SMARCC1: variants seen among roughly 807,000 people sequenced by gnomAD.
SMARCC1 encodes SWI/SNF related BAF chromatin remodeling complex subunit C1, also known as SWI/SNF complex subunit SMARCC1.
A neutral mutation model predicts 147.4 loss-of-function variants in SMARCC1; 43 were observed. The observed-to-expected ratio is 0.29, with a 90% CI of 0.23 to 0.38. The LOEUF (loss-of-function observed/expected upper bound fraction) is 0.38. Ranked by LOEUF, SMARCC1 falls within the 10% of genes least tolerant of loss-of-function variation. The pLI, the probability that SMARCC1 is intolerant of heterozygous loss-of-function variation, is 1.00. For missense variants in SMARCC1, 1,119 were observed against 1,381.1 expected, an observed-to-expected ratio of 0.81 and a Z score of 3.01; for synonymous variants, 495 against 484.4, an observed-to-expected ratio of 1.02 and a Z score of -0.29.
chr3:47,728,709 A>G (rs2034331041), intron 6 of SMARCC1, among the ~76,000 whole-genome samples: 1 of 152,132 alleles, frequency 6.6e-6, no homozygotes, highest in African/African-American at 2.4e-5. Flanking sequence ...GATTGAAACC[A>G]CCATCCTGGC....
intron 24 of SMARCC1, among the ~76,000 whole-genome samples, chr3:47,633,261 G>C (rs562403689): frequency 2.0e-5 from 3 of 152,300 alleles, no homozygotes; most frequent in African/African-American, 7.2e-5. Flanking sequence ...ACAGGCAAAA[G>C]ATTAAGGGAT....
At position 47,589,846 on chromosome 3, in the gene SMARCC1, T is replaced by TA. The variant is rs370518182; in HGVS notation, c.3220+814dup. Among the ~76,000 whole-genome samples the TA allele has an allele frequency of 6.6e-4, 101 of 152,376 alleles. 1 individual carries two copies. The highest frequency in any genetic ancestry group is 2.3e-3 in the African/African-American group (97 of 41,588). ...AAAGCTCCTACAGAGCAAGAATTCT[T>TA]ATGCTTCCTATCTCTCTGAACTATA... On this transcript the variant is annotated intron_variant, in intron 27 of 27. Coordinates refer to ENST00000254480, the MANE Select transcript of SMARCC1 (RefSeq NM_003074.4).
In SMARCC1 at chr3:47,708,989, A is replaced by G. The variant is rs896977660; in HGVS notation, c.918+1694T>C. Among the ~76,000 whole-genome samples the G allele has an allele frequency of 7.2e-5, 11 of 152,194 alleles. No individual in the cohort carries two copies. In the East Asian group the frequency reaches 1.7e-3, roughly 24 times the overall value. On this transcript the variant is annotated intron_variant, in intron 9 of 27. Coordinates refer to ENST00000254480, the MANE Select transcript of SMARCC1 (RefSeq NM_003074.4). ...TTTTTCCTAAAAATTGGCAAGGCAT[A>G]GTGGCTCATACCTGTAATCCCAGCA...
In SMARCC1 at chr3:47,694,543, T is replaced by C. The variant is rs191579181; in HGVS notation, c.1166-1243A>G. On this transcript the variant is annotated intron_variant, in intron 11 of 27. Coordinates refer to ENST00000254480, the MANE Select transcript of SMARCC1 (RefSeq NM_003074.4). ...TGAACCCGGGAGGTGGAAGTTGCAA[T>C]GAGCTGAGATCGCACCACTGCATTC... 4.2e-3 allele frequency among the ~76,000 whole-genome samples: 644 copies of C among 152,334 alleles called. 7 individuals are homozygous for C. The highest frequency in any genetic ancestry group is 0.015 in the African/African-American group (622 of 41,576).
intron 21 of SMARCC1, among the ~76,000 whole-genome samples, chr3:47,659,117 C>A (rs951395207): frequency 0.035 from 3,360 of 95,898 alleles, no homozygotes; most frequent in Middle Eastern, 0.053. Flanking sequence ...GACTCTGTCT[C>A]AAAAAAAAAA....
intron 21 of SMARCC1, among the ~76,000 whole-genome samples, chr3:47,644,592 C>T (rs1176838631): frequency 6.6e-6 from 1 of 152,130 alleles, no homozygotes; most frequent in African/African-American, 2.4e-5. Context: ...ACTGCAACCC[C>T]TGTCTCCCAG....
At chr3:47,653,245 CGG>C (rs2033216653) in intron 21 of SMARCC1, among the ~76,000 whole-genome samples, 2 of 152,212 alleles carry the variant, frequency 1.3e-5, no homozygotes, top group African/African-American at 2.4e-5. Flanking sequence ...GCGTGAGCCA[CGG>C]CGCCCGGCCG....
chr3:47,740,501 C>A (rs546863843), intron 3 of SMARCC1, among the ~76,000 whole-genome samples: 10 of 151,172 alleles, frequency 6.6e-5, no homozygotes, highest in Non-Finnish European at 1.5e-4. Flanking sequence ...GGCCCACACC[C>A]GGCTAATTTT....
intron 8 of SMARCC1, among the ~76,000 whole-genome samples, chr3:47,711,717 T>A (rs960254848): frequency 6.6e-6 from 1 of 152,238 alleles, no homozygotes; most frequent in African/African-American, 2.4e-5. Flanking sequence ...ACTGGTTATT[T>A]GGGATATGCC....
intron 11 of SMARCC1, among the ~76,000 whole-genome samples, chr3:47,699,616 G>A (rs541809321): frequency 6.6e-6 from 1 of 151,316 alleles, no homozygotes; most frequent in South Asian, 2.1e-4. Flanking sequence ...TGCTCTATAT[G>A]TCTATACATA....
chr3:47,603,090 C>T (rs899689969), intron 26 of SMARCC1, among the ~76,000 whole-genome samples: 4 of 152,126 alleles, frequency 2.6e-5, no homozygotes, highest in Admixed American at 6.6e-5. Flanking sequence ...TTCCTTTAAA[C>T]ATGTGCTGAA....
intron 2 of SMARCC1, among the ~76,000 whole-genome samples, chr3:47,747,947 G>A (rs1341591660): frequency 3.3e-5 from 5 of 151,538 alleles, no homozygotes; most frequent in Non-Finnish European, 7.4e-5. Context: ...CATGTGAGGT[G>A]AGGAGTTTGC....
At chr3:47,704,916 CA>C (rs1468678344) in intron 10 of SMARCC1, among the ~76,000 whole-genome samples, 3 of 104,300 alleles carry the variant, frequency 2.9e-5, no homozygotes, top group South Asian at 3.0e-4. Flanking sequence ...GACCCTGTCT[CA>C]AAAAAAAAGA....
intron 5 of SMARCC1, among the ~76,000 whole-genome samples, chr3:47,733,910 CAT>C (rs1317878233): frequency 8.2e-5 from 12 of 147,024 alleles, no homozygotes; most frequent in Admixed American, 1.4e-4. Context: ...TATATACACA[CAT>C]ATGTGCTTGT....
chr3:47,687,439 T>A (rs1402061954), intron 13 of SMARCC1, among the ~76,000 whole-genome samples: 1 of 152,178 alleles, frequency 6.6e-6, no homozygotes, highest in Non-Finnish European at 1.5e-5. Context: ...GTATAAGTTT[T>A]AATGACTTCA....
At chr3:47,607,848 G>A (rs1216024154) in intron 26 of SMARCC1, among the ~76,000 whole-genome samples, 1 of 152,158 alleles carries the variant, frequency 6.6e-6, no homozygotes, top group Non-Finnish European at 1.5e-5. Flanking sequence ...TTTGGGTCCA[G>A]TCTGGGCAAC....
rs981156132 is a variant in SMARCC1 at position 47,587,834 on chromosome 3, A to C, written c.*375T>G. On this transcript the variant is annotated 3_prime_UTR_variant, in exon 28 of 28. Transcript: ENST00000254480. ...AAAAAGATAATGATTATATAGCATT[A>C]TCCATAGAAGCATAAGACAAAGCAA... 1 of 208,794 alleles carries C rather than the reference A, an allele frequency of 4.8e-6. No homozygotes were observed. Among genetic ancestry groups the C allele is most frequent in the African/African-American group, 2.4e-5 (1 of 42,292 alleles). 12.9% of individuals were successfully genotyped at this position (208,794 alleles called of 1,614,324 possible). A position where few individuals can be genotyped will look rare whatever the true frequency, so the allele number is the denominator to read the frequency against.
At chr3:47,719,654 G>A (rs2034205839) in intron 7 of SMARCC1, among the ~76,000 whole-genome samples, 1 of 152,082 alleles carries the variant, frequency 6.6e-6, no homozygotes, top group African/African-American at 2.4e-5. Context: ...AGTGAGTCGG[G>A]ACTGTGCCAC....
intron 2 of SMARCC1, among the ~76,000 whole-genome samples, chr3:47,754,998 G>A (rs1211835517): frequency 1.3e-5 from 2 of 152,138 alleles, no homozygotes; most frequent in Non-Finnish European, 1.5e-5. Context: ...AGCTGAGATC[G>A]TGCCACTGCA....
Sources: gnomAD v4.1 joint callset for allele counts (sites outside exome capture counted in the v4.1 genomes callset) on GRCh38, gnomAD v4.1.1 for gene constraint, MANE v1.5 for transcripts, NCBI Gene and HGNC (gene_info 2026-07-23, HGNC 2026-07-21) for gene names.